Variants in FRMD3 observed in about 807,000 individuals in gnomAD.
The protein encoded by FRMD3 is FERM domain containing 3.
In FRMD3, 33 loss-of-function variants were observed where a neutral mutation model predicts 70.2. The ratio of observed to expected loss-of-function variants is 0.47; its 90% confidence interval spans 0.36 to 0.63. The LOEUF is 0.63. Among genes scored for constraint, FRMD3 ranks in the 20% least tolerant of loss-of-function variants. The pLI, the probability that FRMD3 is intolerant of heterozygous loss-of-function variation, is 0.00. For synonymous variants in FRMD3, 279 were observed against 255.9 expected (o/e 1.09, Z -0.86); for missense variants, 632 against 711.4 (o/e 0.89, Z 1.27).
chr9:83,245,497 A>C lies in FRMD3; in HGVS notation c.*2421T>G. ...TAAAAACATTTCTATTCAACAATGA[A>C]GTTTCCACCTAAGAGAAAAGAGATG... is the stretch of plus-strand genomic sequence containing the variant. On this transcript the variant is annotated 3_prime_UTR_variant, in exon 14 of 14. Transcript: ENST00000304195. The C allele has an allele frequency of 1.0e-6, 1 of 982,966 alleles. No individual in the cohort carries two copies. The highest frequency in any genetic ancestry group is 1.2e-6 in the Non-Finnish European group (1 of 827,658). 60.9% of individuals were successfully genotyped at this position (982,966 alleles called of 1,614,324 possible).
At chr9:83,445,035 G>A (rs573759560) in intron 1 of FRMD3, among the ~76,000 whole-genome samples, 19 of 151,806 alleles carry the variant, frequency 1.3e-4, no homozygotes, top group African/African-American at 4.4e-4. Context: ...GACTTTACTC[G>A]GCACCACCTA....
At chr9:83,561,109 T>C in the FRMD3 span, among the ~76,000 whole-genome samples, 1 of 152,212 alleles carries the variant, frequency 6.6e-6, no homozygotes, top group Non-Finnish European at 1.5e-5. Flanking sequence ...TTTCTGGCAA[T>C]GACTCCCCCT....
At chr9:83,349,853 C>T in intron 3 of FRMD3, 96 bp from the exon 4 acceptor site, 1 of 871,942 alleles carries the variant, frequency 1.1e-6, no homozygotes, top group South Asian at 1.5e-5. Flanking sequence ...GACAGACTAG[C>T]CTGGGGAGTG....
At chr9:83,439,210 C>T (rs1827227905) in intron 1 of FRMD3, among the ~76,000 whole-genome samples, 2 of 152,210 alleles carry the variant, frequency 1.3e-5, no homozygotes, top group African/African-American at 4.8e-5. Flanking sequence ...AGCCATAAAA[C>T]ATTTAATGTC....
intron 4 of FRMD3, among the ~76,000 whole-genome samples, chr9:83,345,826 T>C (rs1444430350): frequency 6.6e-6 from 1 of 152,128 alleles, no homozygotes; most frequent in East Asian, 1.9e-4. Context: ...TGCAGCTCCA[T>C]CAGCCACACT....
chr9:83,401,501 A>AT lies in FRMD3; in HGVS notation c.148-11794dup, dbSNP rs143915116. ...TCAAATCAAGAGCTGGAGCCAAGAT[A>AT]TATCAGTCAGGATAGGCTAGATTAA... is the stretch of plus-strand genomic sequence containing the variant. On this transcript the variant is annotated intron_variant, in intron 1 of 13. Coordinates refer to ENST00000304195, the MANE Select transcript of FRMD3 (RefSeq NM_174938.6). Among the ~76,000 whole-genome samples, 892 of 152,354 alleles carry AT rather than the reference A, an allele frequency of 5.9e-3. 9 individuals are homozygous for AT. The highest frequency in any genetic ancestry group is 0.019 in the African/African-American group (810 of 41,582).
rs71823603 is a variant in FRMD3, at chr9:83,317,193, T to TACACAC, written c.597-3452_597-3447dup. Among the ~76,000 whole-genome samples the TACACAC allele has an allele frequency of 5.0e-3, 721 of 145,110 alleles. 4 individuals carry two copies. Among genetic ancestry groups the TACACAC allele is most frequent in the East Asian group, 0.022 (107 of 4,952 alleles). The stretch of plus-strand genomic sequence containing the variant: ...ATATTATTGAGCCGTCTCTCATGCA[T>TACACAC]ACACACACACACACACACACACACA... On this transcript the variant is annotated intron_variant, in intron 6 of 13. Transcript: ENST00000304195.
At chr9:83,497,287 G>A (rs1828964054) in intron 1 of FRMD3, among the ~76,000 whole-genome samples, 1 of 152,056 alleles carries the variant, frequency 6.6e-6, no homozygotes, top group Non-Finnish European at 1.5e-5. Flanking sequence ...TTATTTATGA[G>A]CACCTGTGCC....
At chr9:83,562,718 G>A in the FRMD3 span, among the ~76,000 whole-genome samples, 1 of 152,106 alleles carries the variant, frequency 6.6e-6, no homozygotes, top group Non-Finnish European at 1.5e-5. Context: ...GTGAAAGAAG[G>A]GTTTTACCCT....
chr9:83,507,113 C>G (rs1323837640), intron 1 of FRMD3, among the ~76,000 whole-genome samples: 1 of 152,138 alleles, frequency 6.6e-6, no homozygotes, highest in Non-Finnish European at 1.5e-5. Context: ...GTAATCCCAG[C>G]ACTTTGGGAG....
chr9:83,416,079 G>C (rs7039388), intron 1 of FRMD3, among the ~76,000 whole-genome samples: 18,069 of 152,140 alleles, frequency 0.12, 1,161 homozygotes, highest in South Asian at 0.15. Context: ...GGTCTGAACA[G>C]CCTGTAAGGG....
At chr9:83,325,336 C>T (rs994337477) in intron 6 of FRMD3, among the ~76,000 whole-genome samples, 3 of 151,966 alleles carry the variant, frequency 2.0e-5, no homozygotes, top group Non-Finnish European at 4.4e-5. Context: ...TTATTTAATT[C>T]GTTTATTTGA....
intron 1 of FRMD3, among the ~76,000 whole-genome samples, chr9:83,496,336 T>A (rs905386728): frequency 6.6e-6 from 1 of 152,194 alleles, no homozygotes; most frequent in African/African-American, 2.4e-5. Flanking sequence ...ACCTTGTTCA[T>A]CAACTGTTCT....
At chr9:83,261,564 G>C (rs1832996666) in intron 13 of FRMD3, among the ~76,000 whole-genome samples, 1 of 152,052 alleles carries the variant, frequency 6.6e-6, no homozygotes, top group Admixed American at 6.5e-5. Context: ...TTCACTACTT[G>C]TGAGGGCCTA....
At chr9:83,425,855 C>T (rs1186982606) in intron 1 of FRMD3, among the ~76,000 whole-genome samples, 7 of 137,388 alleles carry the variant, frequency 5.1e-5, no homozygotes, top group Admixed American at 1.7e-4. Context: ...TGCAGTGAGC[C>T]GAGATCATGC....
chr9:83,436,776 A>G (rs1298553984), intron 1 of FRMD3, among the ~76,000 whole-genome samples: 1 of 83,370 alleles, frequency 1.2e-5, no homozygotes, highest in African/African-American at 4.8e-5. Flanking sequence ...AACCTGGACC[A>G]AGGGGAAAAA....
chr9:83,386,557 A>G (rs887216187), intron 2 of FRMD3, among the ~76,000 whole-genome samples: 1 of 152,244 alleles, frequency 6.6e-6, no homozygotes, highest in Non-Finnish European at 1.5e-5. Flanking sequence ...AAAAAGTTGC[A>G]AAAATGATAA....
the FRMD3 span, among the ~76,000 whole-genome samples, chr9:83,585,464 T>A: frequency 6.6e-6 from 1 of 152,198 alleles, no homozygotes; most frequent in African/African-American, 2.4e-5. Context: ...CTATAAAGAG[T>A]GCATTTCCCA....
intron 1 of FRMD3, among the ~76,000 whole-genome samples, chr9:83,468,603 A>C (rs1828191745): frequency 6.6e-6 from 1 of 152,224 alleles, no homozygotes; most frequent in Non-Finnish European, 1.5e-5. Flanking sequence ...TGCTAGATTT[A>C]GTTCTCAGCT....
Sources: allele counts gnomAD v4.1 joint callset (sites outside exome capture counted in the v4.1 genomes callset), GRCh38; gene constraint gnomAD v4.1.1; transcripts MANE v1.5; gene names NCBI Gene and HGNC (gene_info 2026-07-23, HGNC 2026-07-21).